Variants in RUNX1T1 observed in about 807,000 individuals in gnomAD.
RUNX1T1 encodes the protein protein CBFA2T1.
A neutral mutation model predicts 62.8 loss-of-function variants in RUNX1T1; 4 were observed. That is an observed-to-expected ratio of 0.06 (90% CI 0.03 to 0.15). The LOEUF is 0.15. Ranked by LOEUF, RUNX1T1 falls within the 10% of genes least tolerant of loss-of-function variation. RUNX1T1 has a pLI of 1.00. For synonymous variants in RUNX1T1, 291 were observed against 286.0 expected (o/e 1.02, Z -0.18); for missense variants, 508 against 754.3 (o/e 0.67, Z 3.82).
At chr8:92,096,583 G>A (rs1321891370) in intron 1 of RUNX1T1, among the ~76,000 whole-genome samples, 1 of 152,156 alleles carries the variant, frequency 6.6e-6, no homozygotes, top group Non-Finnish European at 1.5e-5. Context: ...ATTGGGGGAG[G>A]GGAAGTATTT....
At chr8:92,059,884 T>G (rs1018689265) in intron 1 of RUNX1T1, among the ~76,000 whole-genome samples, 1 of 152,150 alleles carries the variant, frequency 6.6e-6, no homozygotes, top group African/African-American at 2.4e-5. Flanking sequence ...GCAGGACCAT[T>G]GAGAAAGGGT....
exon 8 of RUNX1T1, chr8:91,986,223 G>A (rs200248598): frequency 4.3e-5 from 70 of 1,613,780 alleles, no homozygotes; most frequent in East Asian, 4.5e-5. Context: ...CTGTACCGCC[G>A]GATCCAGTAA....
chr8:92,003,743 G>A (rs1184794151), intron 5 of RUNX1T1, among the ~76,000 whole-genome samples: 1 of 152,154 alleles, frequency 6.6e-6, no homozygotes, highest in Non-Finnish European at 1.5e-5. Context: ...AGCATCATGT[G>A]GACATGCCAC....
At chr8:92,055,540 C>A (rs1830904342) in intron 1 of RUNX1T1, among the ~76,000 whole-genome samples, 1 of 152,138 alleles carries the variant, frequency 6.6e-6, no homozygotes, top group Non-Finnish European at 1.5e-5. Flanking sequence ...CTTCTGGATG[C>A]AAGCGATCCT....
At chr8:92,066,462 T>G (rs7818580), upstream of RUNX1T1, among the ~76,000 whole-genome samples, 359 of 152,232 alleles carry the variant, frequency 2.4e-3, 2 homozygotes, top group African/African-American at 8.1e-3. Context: ...ACCCCAAAGG[T>G]TTTGATTTTC....
upstream of RUNX1T1, chr8:92,063,013 G>T: frequency 9.2e-7 from 1 of 1,086,314 alleles, no homozygotes; most frequent in Non-Finnish European, 1.1e-6. Flanking sequence ...CCAAAAGATA[G>T]AAATGTAGAC....
chr8:91,992,958 T>C (rs1817962001), intron 5 of RUNX1T1, among the ~76,000 whole-genome samples: 1 of 152,182 alleles, frequency 6.6e-6, no homozygotes, highest in African/African-American at 2.4e-5. Context: ...CCTAATATAT[T>C]CAATAAGATA....
intron 10 of RUNX1T1, 63 bp from the exon 12 acceptor site, chr8:91,960,580 A>G: frequency 2.0e-6 from 3 of 1,537,778 alleles, no homozygotes; most frequent in Non-Finnish European, 2.7e-6. Flanking sequence ...CAATAGTCTG[A>G]CAAATATGTT....
rs751706425 is a variant in RUNX1T1 at position 92,041,543 on chromosome 8, T to C, written c.7+21003A>G. On this transcript the variant is annotated intron_variant, in intron 1 of 10. Coordinates refer to ENST00000396218, the Ensembl canonical transcript of RUNX1T1. ...ATCACTTGAGGCCAGGAGTTCAAGATCAGCCTGGCCAAAGTGGTGAAACCC... is the reference window on the plus strand; with the variant it reads ...ATCACTTGAGGCCAGGAGTTCAAGACCAGCCTGGCCAAAGTGGTGAAACCC... Among the ~76,000 whole-genome samples, 222 of 152,170 alleles carry C rather than the reference T, an allele frequency of 1.5e-3. 3 individuals are homozygous for C. The Middle Eastern group carries it at 0.02, about 14-fold the overall frequency.
At chr8:91,961,598 T>C (rs1810461579) in intron 10 of RUNX1T1, among the ~76,000 whole-genome samples, 1 of 152,180 alleles carries the variant, frequency 6.6e-6, no homozygotes, top group Non-Finnish European at 1.5e-5. Context: ...AGAGCACCTT[T>C]TGGGGACAGG....
chr8:92,095,595 C>CGGGAGAGGGAGGAAAAGT, intron 1 of RUNX1T1: 1 of 1,378,066 alleles, frequency 7.3e-7, no homozygotes, highest in Non-Finnish European at 9.4e-7. Context: ...TGAGACGGAG[C>CGGGAGAGGGAGGAAAAGT]GGGAGAGGGA....
chr8:92,001,681 A>G (rs1180753411), intron 5 of RUNX1T1, among the ~76,000 whole-genome samples: 1 of 152,214 alleles, frequency 6.6e-6, no homozygotes, highest in Non-Finnish European at 1.5e-5. Flanking sequence ...ACACAAAAGC[A>G]AAGATTATTT....
intron 2 of RUNX1T1, among the ~76,000 whole-genome samples, chr8:92,074,715 G>A (rs969883289): frequency 2.0e-5 from 3 of 152,216 alleles, no homozygotes; most frequent in African/African-American, 7.2e-5. Flanking sequence ...AGTAACAACA[G>A]TGCATAAGGT....
chr8:91,986,919 C>G, exon 7 of RUNX1T1: 1 of 1,611,936 alleles, frequency 6.2e-7, no homozygotes, highest in African/African-American at 1.3e-5. Context: ...TCTGCCCATT[C>G]TCTGTCTGTT....
At chr8:92,032,131 TATA>T (rs1826378761) in intron 1 of RUNX1T1, among the ~76,000 whole-genome samples, 1 of 126,404 alleles carries the variant, frequency 7.9e-6, no homozygotes, top group African/African-American at 3.0e-5. Context: ...ATGACAAAAC[TATA>T]ATGATTTCAA....
At chr8:92,101,659 G>T (rs1838042094), upstream of RUNX1T1, among the ~76,000 whole-genome samples, 3 of 152,272 alleles carry the variant, frequency 2.0e-5, no homozygotes, top group East Asian at 1.9e-4. Context: ...AGGGAAGGCG[G>T]CTATTTTTAG....
At chr8:92,096,983 A>C (rs1837800929) in intron 1 of RUNX1T1, among the ~76,000 whole-genome samples, 1 of 151,874 alleles carries the variant, frequency 6.6e-6, no homozygotes, top group African/African-American at 2.4e-5. Context: ...CCCCCACCCC[A>C]CCCAAACACA....
At chr8:92,037,779 A>G (rs1827697626) in intron 1 of RUNX1T1, among the ~76,000 whole-genome samples, 1 of 152,168 alleles carries the variant, frequency 6.6e-6, no homozygotes, top group Admixed American at 6.6e-5. Flanking sequence ...CCAAGGAAAG[A>G]CCAGTAGGGA....
intron 1 of RUNX1T1, chr8:92,095,732 T>TG (rs1365152790): frequency 7.8e-6 from 4 of 512,168 alleles, no homozygotes; most frequent in Middle Eastern, 5.2e-4. Context: ...GGCCAGAAAG[T>TG]GGGGGAGAGC....
Sources: gnomAD v4.1 joint callset for allele counts (sites outside exome capture counted in the v4.1 genomes callset) on GRCh38, gnomAD v4.1.1 for gene constraint, MANE v1.5 for transcripts, NCBI Gene and HGNC (gene_info 2026-07-23, HGNC 2026-07-21) for gene names.